Variants in AK3 observed in about 807,000 individuals in gnomAD.
AK3 encodes the protein adenylate kinase 3.
In AK3, 27 loss-of-function variants were observed where a neutral mutation model predicts 23.7. The observed-to-expected ratio is 1.14, with a 90% CI of 0.84 to 1.57. The LOEUF (loss-of-function observed/expected upper bound fraction) is 1.57. AK3 is among the 40% of genes most tolerant of loss of function. The pLI, the probability that AK3 is intolerant of heterozygous loss-of-function variation, is 0.00. For missense variants in AK3, 406 were observed against 285.6 expected (o/e 1.42, Z -3.04); for synonymous variants, 159 against 116.0 (o/e 1.37, Z -2.38).
intron 2 of AK3, among the ~76,000 whole-genome samples, chr9:4,720,156 T>C (rs893019533): frequency 5.9e-5 from 9 of 152,030 alleles, no homozygotes; most frequent in Admixed American, 6.6e-5. Context: ...TGCAAAAGGA[T>C]AAAACCCTAA....
chr9:4,731,152 G>A (rs1842143955), intron 1 of AK3, among the ~76,000 whole-genome samples: 1 of 152,158 alleles, frequency 6.6e-6, no homozygotes, highest in African/African-American at 2.4e-5. Flanking sequence ...AGGGATATAT[G>A]TGCAGGTTTG....
chr9:4,738,868 C>G (rs975648469), intron 1 of AK3, among the ~76,000 whole-genome samples: 2 of 149,252 alleles, frequency 1.3e-5, no homozygotes, highest in Admixed American at 1.3e-4. Context: ...GCATCCCGGG[C>G]TCAAGTGATA....
rs777921982 is a variant in AK3 at position 4,712,963 on chromosome 9, C to T, written c.*13G>A. On this transcript the variant is annotated 3_prime_UTR_variant, in exon 5 of 5. Transcript: ENST00000381809. ...TTGCCCATCTTACTATTAATAGTTA[C>T]ACACATTTCTCCTCATGGAGTAACT... 15 of 1,611,572 alleles carry T rather than the reference C, an allele frequency of 9.3e-6. No homozygotes were observed. The East Asian group carries it at 2.9e-4, about 31-fold the overall frequency.
In AK3 at chr9:4,712,329, T is replaced by G. The variant is rs1452153375; in HGVS notation, c.*647A>C. On this transcript the variant is annotated 3_prime_UTR_variant, in exon 5 of 5. Coordinates refer to ENST00000381809, the MANE Select transcript of AK3 (RefSeq NM_016282.4). ...GGAAACAAGTCATCTTAAAGTAATA[T>G]TTTTCTATATGCTAATTGATACATC... The G allele has an allele frequency of 6.6e-6, 1 of 152,218 alleles. No homozygotes were observed. The highest frequency in any genetic ancestry group is 6.5e-5 in the Admixed American group (1 of 15,282). The allele number at this position is 152,218 out of a possible 1,614,324, so 9.4% of individuals were successfully genotyped here.
Position 4,712,782 on chromosome 9 carries a change from T to C in AK3, c.*194A>G, listed in dbSNP as rs1254346669. ...GGATAACTGCATACAACACACTAGA[T>C]GATTTCAAACGATGCATCTTAGTAT... is the stretch of plus-strand genomic sequence containing the variant. On this transcript the variant is annotated 3_prime_UTR_variant, in exon 5 of 5. Transcript: ENST00000381809. 7 of 561,436 alleles carry C rather than the reference T, an allele frequency of 1.2e-5. No homozygotes were observed. Among genetic ancestry groups the C allele is most frequent in the Non-Finnish European group, 2.0e-5 (7 of 344,302 alleles). 34.8% of individuals were successfully genotyped at this position (561,436 alleles called of 1,614,324 possible).
upstream of AK3, chr9:4,741,666 C>T (rs1411789333): frequency 6.5e-6 from 1 of 152,782 alleles, no homozygotes; most frequent in Non-Finnish European, 1.5e-5. Flanking sequence ...GCATCCACCC[C>T]TCCAACAACC....
At chr9:4,732,956 CAGCTT>C (rs2130906352) in intron 1 of AK3, among the ~76,000 whole-genome samples, 1 of 151,992 alleles carries the variant, frequency 6.6e-6, no homozygotes, top group East Asian at 1.9e-4. Flanking sequence ...AGCATCCTCC[CAGCTT>C]AGCTTCCCAA....
chr9:4,729,887 A>G (rs1842114572), intron 1 of AK3, among the ~76,000 whole-genome samples: 1 of 152,132 alleles, frequency 6.6e-6, no homozygotes, highest in Non-Finnish European at 1.5e-5. Context: ...ATGAATGTTC[A>G]TAGTGGCATT....
intron 4 of AK3, among the ~76,000 whole-genome samples, chr9:4,713,960 ATACACACCTCCACATT>A (rs1841634046): frequency 6.6e-6 from 1 of 151,820 alleles, no homozygotes; most frequent in Admixed American, 6.6e-5. Flanking sequence ...GCCTACACAT[ATACACACCTCCACATT>A]TACACACCTA....
chr9:4,718,568 A>T, intron 3 of AK3, 31 bp from the exon 4 acceptor site: 1 of 1,440,618 alleles, frequency 6.9e-7, no homozygotes, highest in Non-Finnish European at 9.7e-7. Flanking sequence ...CTAGTATCAG[A>T]TATCATATTT....
intron 1 of AK3, among the ~76,000 whole-genome samples, chr9:4,735,189 G>A (rs114439724): frequency 0.014 from 2,059 of 145,684 alleles, 62 homozygotes; most frequent in African/African-American, 0.05. Context: ...GAGGCTAGGA[G>A]TTCATGACAA....
At chr9:4,728,850 T>TACACACACACACAC (rs772699346) in intron 1 of AK3, among the ~76,000 whole-genome samples, 2 of 23,498 alleles carry the variant, frequency 8.5e-5, no homozygotes, top group African/African-American at 1.9e-4. Flanking sequence ...TATATATATA[T>TACACACACACACAC]ATATATATAT....
In AK3 at chr9:4,718,417, A is replaced by G. The variant is rs199555686; in HGVS notation, c.563+2T>C. The G allele has an allele frequency of 1.6e-5, 25 of 1,609,572 alleles. No individual in the cohort carries two copies. In the Admixed American group the frequency reaches 2.5e-4, roughly 16 times the overall value. ...GAGAAGTTCTGAAAAGCAAAAACTC[A>G]CTGGTAATATTCCAGGACTGGCTTT... On this transcript the variant is annotated splice_donor_variant, in intron 4 of 4. Transcript: ENST00000381809. LOFTEE classifies it high-confidence loss of function.
chr9:4,727,530 T>C (rs1842046918), intron 1 of AK3, among the ~76,000 whole-genome samples: 1 of 152,222 alleles, frequency 6.6e-6, no homozygotes, highest in African/African-American at 2.4e-5. Context: ...CAGCCTTCAC[T>C]GAAATGAAGA....
intron 1 of AK3, among the ~76,000 whole-genome samples, chr9:4,725,617 A>G (rs1842006895): frequency 6.6e-6 from 1 of 152,120 alleles, no homozygotes; most frequent in African/African-American, 2.4e-5. Context: ...AAAAGAAACG[A>G]AAAGAAAAGA....
intron 1 of AK3, among the ~76,000 whole-genome samples, chr9:4,723,391 G>A (rs10974749): frequency 0.18 from 26,954 of 152,140 alleles, 2,911 homozygotes; most frequent in East Asian, 0.43. Context: ...TTCCAATCCT[G>A]TAAAACAGGT....
chr9:4,732,644 G>A lies in AK3; in HGVS notation c.151+8293C>T, dbSNP rs543635552. Among the ~76,000 whole-genome samples, 184 of 152,206 alleles carry A rather than the reference G, an allele frequency of 1.2e-3. 1 individual carries two copies. The highest frequency in any genetic ancestry group is 1.8e-3 in the Non-Finnish European group (122 of 68,002). On this transcript the variant is annotated intron_variant, in intron 1 of 4. Coordinates refer to ENST00000381809, the MANE Select transcript of AK3 (RefSeq NM_016282.4). The stretch of plus-strand genomic sequence containing the variant: ...GGGAAACTCAAAACCAACTTTTAAG[G>A]ATAATAACTAGAAATCCTAAAACAT...
intron 1 of AK3, among the ~76,000 whole-genome samples, chr9:4,732,855 G>C (rs1473778620): frequency 6.9e-6 from 1 of 145,410 alleles, no homozygotes; most frequent in African/African-American, 2.5e-5. Context: ...GTAAATAACA[G>C]TTCTCTCTCT....
At chr9:4,738,454 C>A (rs1303589967) in intron 1 of AK3, among the ~76,000 whole-genome samples, 2 of 152,164 alleles carry the variant, frequency 1.3e-5, no homozygotes, top group South Asian at 4.1e-4. Context: ...GCGTGAGACA[C>A]CCCGCCCAGC....
Sources: allele counts gnomAD v4.1 joint callset (sites outside exome capture counted in the v4.1 genomes callset), GRCh38; gene constraint gnomAD v4.1.1; transcripts MANE v1.5; gene names NCBI Gene and HGNC (gene_info 2026-07-23, HGNC 2026-07-21).